The following CBLC variants were observed in gnomAD, a reference collection of about 807,000 sequenced individuals.
CBLC encodes E3 ubiquitin-protein ligase CBL-C.
Under a neutral mutation model 58.6 loss-of-function variants are expected in CBLC, and 46 were observed. The observed-to-expected ratio is 0.79, with a 90% CI of 0.62 to 1.00. The LOEUF is 1.00. Among genes scored for constraint, CBLC ranks in the 50% least tolerant of loss-of-function variants. The probability of loss-of-function intolerance (pLI) is 0.00; values close to 1 mark genes in which losing one functional copy is unlikely to be tolerated. For missense variants in CBLC, 655 were observed against 625.8 expected, an observed-to-expected ratio of 1.05 and a Z score of -0.50; for synonymous variants, 271 against 264.2, an observed-to-expected ratio of 1.03 and a Z score of -0.25.
At chr19:44,792,820 T>C (rs1968089238) in intron 7 of CBLC, among the ~76,000 whole-genome samples, 1 of 152,046 alleles carries the variant, frequency 6.6e-6, no homozygotes, top group South Asian at 2.1e-4. Context: ...CCTCGTCCCC[T>C]GGAGAACGGG....
intron 9 of CBLC, among the ~76,000 whole-genome samples, chr19:44,794,742 AG>A (rs1453866062): frequency 6.6e-6 from 1 of 151,598 alleles, no homozygotes; most frequent in Non-Finnish European, 1.5e-5. Context: ...GGATTACAGG[AG>A]TGAGCCACTG....
At chr19:44,783,381 C>T (rs1238868123) in intron 4 of CBLC, among the ~76,000 whole-genome samples, 3 of 152,092 alleles carry the variant, frequency 2.0e-5, no homozygotes, top group African/African-American at 7.2e-5. Context: ...TGGTGGCGTG[C>T]ACCTGTAATC....
At chr19:44,790,191 C>A in intron 6 of CBLC, 100 bp downstream of exon 6, 1 of 869,652 alleles carries the variant, frequency 1.1e-6, no homozygotes, top group Non-Finnish European at 2.0e-6. Flanking sequence ...GGCTTGGTGG[C>A]TCTGTGACCT....
intron 5 of CBLC, among the ~76,000 whole-genome samples, chr19:44,784,635 G>A (rs1460058318): frequency 6.6e-6 from 1 of 152,190 alleles, no homozygotes; most frequent in African/African-American, 2.4e-5. Flanking sequence ...ACAGCTCCGA[G>A]GAGAAGTGTG....
intron 6 of CBLC, among the ~76,000 whole-genome samples, chr19:44,791,378 T>C (rs993286505): frequency 2.0e-5 from 3 of 152,020 alleles, no homozygotes; most frequent in Non-Finnish European, 4.4e-5. Context: ...CCAATACTTT[T>C]ATTTGCTAAA....
intron 3 of CBLC, among the ~76,000 whole-genome samples, chr19:44,782,116 T>G (rs1284830061): frequency 3.1e-4 from 15 of 47,800 alleles, no homozygotes; most frequent in Admixed American, 8.1e-4. Flanking sequence ...GAGGAGGGGG[T>G]GAGGGCCTGG....
At position 44,793,635 on chromosome 19, in the gene CBLC, C is replaced by T. The variant is rs374717459; in HGVS notation, c.1284+15C>T. ...AGCTGGGGCAGGTGAGCAGGGCCAG[C>T]CGGGAGCTGGAATCCAAATTCCTGA... On this transcript the variant is annotated intron_variant, in intron 8 of 10. Transcript: ENST00000647358. The T allele has an allele frequency of 6.4e-7, 1 of 1,568,496 alleles. No individual in the cohort carries two copies. Among genetic ancestry groups the T allele is most frequent in the Admixed American group, 1.9e-5 (1 of 52,224 alleles).
intron 5 of CBLC, 132 bp downstream of exon 5, chr19:44,784,533 G>A: frequency 2.3e-6 from 2 of 877,046 alleles, no homozygotes; most frequent in Non-Finnish European, 3.3e-6. Context: ...CAAATCTGCA[G>A]TACTACAAAA....
chr19:44,799,888 G>T (rs1968257750), intron 9 of CBLC, among the ~76,000 whole-genome samples: 1 of 152,088 alleles, frequency 6.6e-6, no homozygotes, highest in Non-Finnish European at 1.5e-5. Context: ...AAGGAAAAGA[G>T]AATAAAAGAA....
chr19:44,785,079 C>T (rs1218225747), intron 5 of CBLC, among the ~76,000 whole-genome samples: 5 of 142,486 alleles, frequency 3.5e-5, no homozygotes, highest in Admixed American at 1.5e-4. Context: ...TCAAGCGATT[C>T]TCCTGCCTCA....
chr19:44,797,823 C>T (rs916275537), intron 9 of CBLC, among the ~76,000 whole-genome samples: 1 of 152,006 alleles, frequency 6.6e-6, no homozygotes, highest in Admixed American at 6.6e-5. Context: ...TCACTATAGC[C>T]TCAATCTTCT....
At chr19:44,797,625 T>C (rs574646644) in intron 9 of CBLC, among the ~76,000 whole-genome samples, 1 of 146,556 alleles carries the variant, frequency 6.8e-6, no homozygotes, top group Admixed American at 7.0e-5. Flanking sequence ...TGTGGTGGCG[T>C]GCACCTGTAA....
At chr19:44,787,537 G>A (rs979914674) in intron 5 of CBLC, among the ~76,000 whole-genome samples, 1 of 150,732 alleles carries the variant, frequency 6.6e-6, no homozygotes, top group African/African-American at 2.4e-5. Flanking sequence ...AAAGTGCTGG[G>A]ATTACACGGT....
chr19:44,797,394 G>A (rs1426358827), intron 9 of CBLC, among the ~76,000 whole-genome samples: 1 of 151,806 alleles, frequency 6.6e-6, no homozygotes, highest in Non-Finnish European at 1.5e-5. Flanking sequence ...GGGGTCACAG[G>A]TGCTCACCAC....
intron 5 of CBLC, among the ~76,000 whole-genome samples, chr19:44,785,125 C>T (rs996204838): frequency 6.6e-6 from 1 of 151,426 alleles, no homozygotes; most frequent in Non-Finnish European, 1.5e-5. Flanking sequence ...GCACCCACCA[C>T]CACACCCGGC....
intron 9 of CBLC, among the ~76,000 whole-genome samples, chr19:44,797,314 G>A (rs370329706): frequency 2.0e-5 from 3 of 151,388 alleles, no homozygotes; most frequent in Non-Finnish European, 2.9e-5. Flanking sequence ...GCAGTGGCAC[G>A]ATCTCAGCCC....
chr19:44,784,446 T>G, intron 5 of CBLC, 45 bp downstream of exon 5: 1 of 1,525,876 alleles, frequency 6.6e-7, no homozygotes, highest in Non-Finnish European at 8.9e-7. Flanking sequence ...CAAAATCTGG[T>G]TGGAAAGATC....
intron 3 of CBLC, among the ~76,000 whole-genome samples, chr19:44,782,134 G>C (rs933117218): frequency 6.7e-6 from 1 of 149,076 alleles, no homozygotes; most frequent in African/African-American, 2.5e-5. Flanking sequence ...TGGACTCCAG[G>C]GTTTGAGGGA....
rs1967620589 is a variant in CBLC, at chr19:44,778,158, C to T, written c.227C>T (p.Ser76Phe). 6.4e-7 allele frequency: 1 copy of T among 1,570,284 alleles called. No homozygotes were observed. The stretch of plus-strand genomic sequence containing the variant: ...GGCGGCCCCGGGGGTCCCGGCGGCT[C>T]TGGGGACTTTCTACTCATCTACCTG... The part of the protein sequence containing the change: ...GGGGPGGPGG[S>F]GDFLLIYLAN... The change falls in exon 1 of 11, where the codon TCT (serine) becomes TTT (phenylalanine). Residue 76 changes from serine (S) to phenylalanine (F), a missense_variant. Ser to Phe is a radical substitution (Grantham distance 155). This residue lies in a region of CBLC where 280 missense variants were observed against 237.2 expected (regional missense o/e 1.18). Transcript: ENST00000647358.
Sources: allele counts gnomAD v4.1 joint callset (sites outside exome capture counted in the v4.1 genomes callset), GRCh38; gene constraint gnomAD v4.1.1; regional missense constraint gnomAD v4.1.1; transcripts MANE v1.5; gene names NCBI Gene and HGNC (gene_info 2026-07-23, HGNC 2026-07-21).